Variants in MRPS27 observed in about 807,000 individuals in gnomAD.
MRPS27 encodes mitochondrial ribosomal protein S27.
Under a neutral mutation model 48.9 loss-of-function variants are expected in MRPS27, and 43 were observed. The observed-to-expected ratio is 0.88, with a 90% CI of 0.69 to 1.13. MRPS27 has a LOEUF of 1.13. MRPS27 is among the 50% of genes most tolerant of loss of function. The pLI is 0.00. For missense variants in MRPS27, 467 were observed against 476.3 expected, an observed-to-expected ratio of 0.98 and a Z score of 0.18; for synonymous variants, 188 against 171.9, an observed-to-expected ratio of 1.09 and a Z score of -0.73.
chr5:72,232,652 C>T, intron 6 of MRPS27, 94 bp from the exon 7 acceptor site: 1 of 861,248 alleles, frequency 1.2e-6, no homozygotes, highest in East Asian at 2.8e-5. Flanking sequence ...AAACGTGGGG[C>T]ATGGTTTAAA....
At position 72,314,078 on chromosome 5, in the gene MRPS27, T is replaced by C; in HGVS notation, c.151+3A>G. 2 of 1,610,178 alleles carry C rather than the reference T, an allele frequency of 1.2e-6. No homozygotes were observed. Among genetic ancestry groups the C allele is most frequent in the Non-Finnish European group, 1.7e-6 (2 of 1,176,922 alleles). ...CACATATAATAGTCCAATAGGTACCTACCAAGACAGTAATGTTCTTTTTCT... is the reference window on the plus strand; with the variant it reads ...CACATATAATAGTCCAATAGGTACCCACCAAGACAGTAATGTTCTTTTTCT... On this transcript the variant is annotated splice_donor_region_variant and intron_variant, in intron 2 of 10. Coordinates refer to ENST00000261413, the MANE Select transcript of MRPS27 (RefSeq NM_015084.3).
intron 4 of MRPS27, among the ~76,000 whole-genome samples, chr5:72,254,860 G>GTGTGAAA (rs1748755907): frequency 6.6e-6 from 1 of 151,980 alleles, no homozygotes; most frequent in Non-Finnish European, 1.5e-5. Context: ...CGGTTCTGTT[G>GTGTGAAA]TGTGAAATGT....
At chr5:72,317,009 A>G (rs1394174722) in intron 1 of MRPS27, among the ~76,000 whole-genome samples, 2 of 151,360 alleles carry the variant, frequency 1.3e-5, no homozygotes, top group Non-Finnish European at 2.9e-5. Context: ...AACCTGGGCA[A>G]TAAGAGCGAA....
At chr5:72,231,020 G>A (rs1392435595) in intron 7 of MRPS27, among the ~76,000 whole-genome samples, 1 of 152,060 alleles carries the variant, frequency 6.6e-6, no homozygotes, top group Non-Finnish European at 1.5e-5. Flanking sequence ...GCCCTGCTCT[G>A]ATAGCTTATC....
chr5:72,234,520 C>G (rs950251191), intron 5 of MRPS27, among the ~76,000 whole-genome samples: 7 of 151,948 alleles, frequency 4.6e-5, no homozygotes, highest in Admixed American at 6.6e-5. Context: ...ACACAACCCC[C>G]CTAACTGGTT....
chr5:72,226,247 C>T, intron 8 of MRPS27, 48 bp from the exon 9 acceptor site: 3 of 1,609,136 alleles, frequency 1.9e-6, no homozygotes, highest in Non-Finnish European at 2.6e-6. Flanking sequence ...GTCTTCCCAC[C>T]ATTTCTAAGA....
rs201321865 is a variant in MRPS27, at chr5:72,320,169, A to G, written c.53T>C (p.Leu18Pro). 1.6e-4 allele frequency: 266 copies of G among 1,613,836 alleles called. 1 individual carries two copies. Among genetic ancestry groups the G allele is most frequent in the Middle Eastern group, 4.9e-4 (3 of 6,084 alleles). The change falls in exon 1 of 11, where the codon CTT becomes CCT. Residue 18 changes from leucine (L) to proline (P), a missense_variant. By Grantham distance (98) the Leu-to-Pro change is moderately conservative. Transcript: ENST00000261413. ...RGMLLARQVVLPQLSPAGKRY... is the reference protein window; with the variant it reads ...RGMLLARQVVPPQLSPAGKRY... ...CCAACCTGCAGGAGAGAGCTGAGGA[A>G]GAACCACTTGCCGCGCCAGGAGCAT...
intron 4 of MRPS27, among the ~76,000 whole-genome samples, chr5:72,266,979 G>C (rs1749121355): frequency 6.6e-6 from 1 of 152,282 alleles, no homozygotes; most frequent in East Asian, 1.9e-4. Context: ...CCCAAAGTGA[G>C]GCTCAGGGCT....
At chr5:72,290,481 T>C (rs949134665) in intron 4 of MRPS27, among the ~76,000 whole-genome samples, 1 of 152,194 alleles carries the variant, frequency 6.6e-6, no homozygotes, top group Non-Finnish European at 1.5e-5. Context: ...TGCATTGTTT[T>C]TATAGCATTG....
At chr5:72,290,144 C>T (rs1749782154) in intron 4 of MRPS27, among the ~76,000 whole-genome samples, 1 of 152,138 alleles carries the variant, frequency 6.6e-6, no homozygotes, top group South Asian at 2.1e-4. Flanking sequence ...ATAGAGCCCG[C>T]CCCAAGGTTC....
chr5:72,232,692 G>A (rs1451947714), intron 6 of MRPS27, 134 bp from the exon 7 acceptor site: 3 of 617,198 alleles, frequency 4.9e-6, no homozygotes, highest in Admixed American at 3.1e-5. Context: ...TAAAATATGC[G>A]GGCTTAGGCT....
At position 72,223,862 on chromosome 5, in the gene MRPS27, A is replaced by T; in HGVS notation, c.838-12T>A. The T allele has an allele frequency of 6.2e-7, 1 of 1,610,964 alleles. No homozygotes were observed. On this transcript the variant is annotated splice_polypyrimidine_tract_variant and intron_variant, in intron 9 of 10. Coordinates refer to ENST00000261413, the MANE Select transcript of MRPS27 (RefSeq NM_015084.3). The stretch of plus-strand genomic sequence containing the variant: ...CCCAGCACATCGAGCTGTGGAGCAG[A>T]AAGAGGGTCAGCAACCAAATGTTTT...
chr5:72,297,271 T>C (rs1334191652), intron 3 of MRPS27, among the ~76,000 whole-genome samples: 1 of 152,162 alleles, frequency 6.6e-6, no homozygotes, highest in East Asian at 1.9e-4. Flanking sequence ...TTTTACAGAC[T>C]TTCTTGGCTA....
chr5:72,223,962 A>G, intron 9 of MRPS27, 112 bp from the exon 10 acceptor site: 1 of 1,032,944 alleles, frequency 9.7e-7, no homozygotes. Flanking sequence ...AAAGACTGTG[A>G]AAACATTTCT....
At chr5:72,294,284 G>C (rs1749918977) in intron 4 of MRPS27, among the ~76,000 whole-genome samples, 1 of 150,744 alleles carries the variant, frequency 6.6e-6, no homozygotes. Flanking sequence ...AATGCATCTA[G>C]AAAAAAACTA....
chr5:72,229,785 G>A (rs1435418288), intron 7 of MRPS27, among the ~76,000 whole-genome samples: 1 of 152,182 alleles, frequency 6.6e-6, no homozygotes, highest in African/African-American at 2.4e-5. Context: ...GAAATTTTCT[G>A]ATCATTGTCT....
At chr5:72,300,813 G>A (rs1174353563) in intron 2 of MRPS27, among the ~76,000 whole-genome samples, 2 of 152,164 alleles carry the variant, frequency 1.3e-5, no homozygotes, top group Admixed American at 6.5e-5. Flanking sequence ...GTCTGAGTGA[G>A]CATTTTAAAA....
chr5:72,308,207 C>G (rs2112082532), intron 2 of MRPS27, among the ~76,000 whole-genome samples: 1 of 152,328 alleles, frequency 6.6e-6, no homozygotes, highest in Middle Eastern at 3.4e-3. Context: ...GCACAATCAG[C>G]CACGAGGACG....
At chr5:72,302,404 T>C (rs1023186288) in intron 2 of MRPS27, among the ~76,000 whole-genome samples, 10 of 152,226 alleles carry the variant, frequency 6.6e-5, no homozygotes, top group East Asian at 3.9e-4. Context: ...CCCCAGAAGA[T>C]TGTAGCCAAT....
Sources: allele counts gnomAD v4.1 joint callset (sites outside exome capture counted in the v4.1 genomes callset), GRCh38; gene constraint gnomAD v4.1.1; transcripts MANE v1.5; gene names NCBI Gene and HGNC (gene_info 2026-07-23, HGNC 2026-07-21).